COG5: variants seen among roughly 807,000 people sequenced by gnomAD.
COG5 encodes the protein conserved oligomeric Golgi complex subunit 5.
Under a neutral mutation model 110.4 loss-of-function variants are expected in COG5, and 86 were observed. The ratio of observed to expected loss-of-function variants is 0.78; its 90% confidence interval spans 0.65 to 0.93. The LOEUF (loss-of-function observed/expected upper bound fraction) is 0.93, where lower values mean the gene tolerates loss of function less well. Among genes scored for constraint, COG5 ranks in the 40% least tolerant of loss-of-function variants. COG5 has a pLI of 0.00. For missense variants in COG5, 1,077 were observed against 987.0 expected, an observed-to-expected ratio of 1.09 and a Z score of -1.22; for synonymous variants, 360 against 334.6, an observed-to-expected ratio of 1.08 and a Z score of -0.83.
intron 21 of COG5, among the ~76,000 whole-genome samples, chr7:107,204,405 G>A (rs1798595951): frequency 2.0e-5 from 3 of 152,112 alleles, no homozygotes; most frequent in Admixed American, 2.0e-4. Context: ...AAGTTCGTCA[G>A]TCCCTGAACC....
chr7:107,246,555 G>T (rs1473706643), intron 17 of COG5, among the ~76,000 whole-genome samples: 1 of 152,190 alleles, frequency 6.6e-6, no homozygotes, highest in Non-Finnish European at 1.5e-5. Context: ...GTGGGCAAAA[G>T]ACATGAACAG....
At chr7:107,414,525 T>C (rs1387163773) in intron 6 of COG5, among the ~76,000 whole-genome samples, 3 of 152,084 alleles carry the variant, frequency 2.0e-5, no homozygotes, top group Non-Finnish European at 4.4e-5. Context: ...TCAGTCATTT[T>C]ACTAGGCTTT....
intron 7 of COG5, among the ~76,000 whole-genome samples, chr7:107,391,832 C>T (rs533186776): frequency 2.0e-5 from 3 of 152,206 alleles, no homozygotes; most frequent in Non-Finnish European, 4.4e-5. Flanking sequence ...TGGCTCAAGC[C>T]TGTAATCGTA....
rs116085528 is a variant in COG5, at chr7:107,558,243, G to A, written c.95-128C>T. On this transcript the variant is annotated intron_variant, in intron 1 of 21. Coordinates refer to ENST00000297135, the MANE Select transcript of COG5 (RefSeq NM_006348.5). Reference sequence around the variant, plus strand: ...ATACTCTGAACCACTCCACTATACTGCTTAATGCTTACTTTTATCATGACC... The same window carrying A: ...ATACTCTGAACCACTCCACTATACTACTTAATGCTTACTTTTATCATGACC... 1,045 of 835,682 alleles carry A rather than the reference G, an allele frequency of 1.3e-3. 5 individuals are homozygous for A. In the African/African-American group the frequency reaches 0.016, roughly 13 times the overall value. The allele number at this position is 835,682 out of a possible 1,614,324, so 51.8% of individuals were successfully genotyped here. A position where few individuals can be genotyped will look rare whatever the true frequency, so the allele number is the denominator to read the frequency against.
intron 6 of COG5, among the ~76,000 whole-genome samples, chr7:107,488,899 C>T (rs1797817190): frequency 6.6e-6 from 1 of 151,974 alleles, no homozygotes; most frequent in South Asian, 2.1e-4. Context: ...CTCATTTCTT[C>T]CTCCTGCATT....
At chr7:107,275,759 G>T (rs139823555) in intron 14 of COG5, among the ~76,000 whole-genome samples, 1 of 151,612 alleles carries the variant, frequency 6.6e-6, no homozygotes, top group African/African-American at 2.4e-5. Context: ...TCTGACCTGA[G>T]GTGATCTGCC....
chr7:107,222,728 A>G (rs76843318), intron 19 of COG5, among the ~76,000 whole-genome samples: 23,757 of 152,144 alleles, frequency 0.16, 2,275 homozygotes, highest in Non-Finnish European at 0.22. Flanking sequence ...ATAACCATCT[A>G]AAGTGCTTTA....
intron 6 of COG5, among the ~76,000 whole-genome samples, chr7:107,454,883 T>C (rs188607802): frequency 1.9e-4 from 29 of 152,240 alleles, no homozygotes; most frequent in Admixed American, 1.1e-3. Context: ...TTAGAGAGTA[T>C]TTCCTTCCCC....
intron 1 of COG5, among the ~76,000 whole-genome samples, chr7:107,561,686 C>T (rs1321474157): frequency 6.6e-6 from 1 of 152,140 alleles, no homozygotes; most frequent in Non-Finnish European, 1.5e-5. Flanking sequence ...TAGAACGGAG[C>T]AGAGACTCGG....
chr7:107,409,276 C>T (rs1046570706), intron 7 of COG5, among the ~76,000 whole-genome samples: 1 of 136,644 alleles, frequency 7.3e-6, no homozygotes, highest in African/African-American at 2.7e-5. Flanking sequence ...GATAAAGAAA[C>T]GAAGAGAAGA....
chr7:107,258,136 C>A, intron 15 of COG5, 137 bp downstream of exon 15: 2 of 637,350 alleles, frequency 3.1e-6, no homozygotes, highest in South Asian at 1.9e-5. Context: ...AAAGAGTTAA[C>A]TCCTTAGTTT....
At chr7:107,215,582 T>C (rs1389039967) in intron 19 of COG5, among the ~76,000 whole-genome samples, 1 of 144,448 alleles carries the variant, frequency 6.9e-6, no homozygotes, top group Non-Finnish European at 1.6e-5. Flanking sequence ...GAGAATGGCG[T>C]GAACCCGGGA....
At chr7:107,299,853 A>ATATATATATATC (rs1204392279) in intron 11 of COG5, among the ~76,000 whole-genome samples, 2 of 126,446 alleles carry the variant, frequency 1.6e-5, no homozygotes, top group Admixed American at 7.9e-5. Context: ...ATATATATAT[A>ATATATATATATC]TATATCTGGA....
chr7:107,489,610 GT>G (rs1245359778), intron 6 of COG5, among the ~76,000 whole-genome samples: 1 of 152,112 alleles, frequency 6.6e-6, no homozygotes, highest in Non-Finnish European at 1.5e-5. Flanking sequence ...AAAAATCTAT[GT>G]TTAGTGAGGA....
intron 11 of COG5, among the ~76,000 whole-genome samples, chr7:107,312,715 A>C (rs1241045642): frequency 6.6e-6 from 1 of 152,200 alleles, no homozygotes; most frequent in African/African-American, 2.4e-5. Flanking sequence ...GGACCAGAAG[A>C]GTCATATTCG....
chr7:107,538,693 T>TA lies in COG5; in HGVS notation c.417+9417dup, dbSNP rs368579628. Among the ~76,000 whole-genome samples the TA allele has an allele frequency of 5.5e-3, 832 of 151,724 alleles. 8 individuals carry two copies. Among genetic ancestry groups the TA allele is most frequent in the African/African-American group, 0.019 (801 of 41,328 alleles). ...AATAGTTTGGCATTCCTCAAAATGT[T>TA]AAACATAGAGTTAGCATATGACCTA... is the stretch of plus-strand genomic sequence containing the variant. On this transcript the variant is annotated intron_variant, in intron 5 of 21. Transcript: ENST00000297135.
chr7:107,327,508 C>T (rs1462935143), intron 10 of COG5, among the ~76,000 whole-genome samples: 1 of 151,958 alleles, frequency 6.6e-6, no homozygotes, highest in African/African-American at 2.4e-5. Context: ...AAAAAGGCAA[C>T]CTACAGAATG....
intron 6 of COG5, among the ~76,000 whole-genome samples, chr7:107,525,320 A>G (rs1017081824): frequency 2.0e-5 from 3 of 152,096 alleles, no homozygotes; most frequent in African/African-American, 7.2e-5. Flanking sequence ...TCCAATCAAA[A>G]TTTAGCACTT....
intron 17 of COG5, among the ~76,000 whole-genome samples, chr7:107,243,439 G>A (rs1801804083): frequency 6.6e-6 from 1 of 150,472 alleles, no homozygotes; most frequent in South Asian, 2.1e-4. Context: ...TGTGAACCCA[G>A]GAGGTAGACT....
Sources: allele counts gnomAD v4.1 joint callset (sites outside exome capture counted in the v4.1 genomes callset), GRCh38; gene constraint gnomAD v4.1.1; transcripts MANE v1.5; gene names NCBI Gene and HGNC (gene_info 2026-07-23, HGNC 2026-07-21).